TONSL: variants seen among roughly 807,000 people sequenced by gnomAD.
The protein encoded by TONSL is tonsoku-like protein.
Under a neutral mutation model 147.1 loss-of-function variants are expected in TONSL, and 112 were observed. The ratio of observed to expected loss-of-function variants is 0.76; its 90% CI spans 0.65 to 0.89. The LOEUF (loss-of-function observed/expected upper bound fraction) is 0.89. TONSL is among the 40% of genes least tolerant of loss of function. The pLI is 0.00. For missense variants in TONSL, 1,883 were observed against 1,864.6 expected, an observed-to-expected ratio of 1.01 and a Z score of -0.18; for synonymous variants, 868 against 801.5, an observed-to-expected ratio of 1.08 and a Z score of -1.40.
chr8:144,434,278 C>T lies in TONSL; in HGVS notation c.3087G>A (p.Gly1029=), dbSNP rs1823342624. The T allele has an allele frequency of 6.6e-7, 1 of 1,505,522 alleles. No homozygotes were observed. Among genetic ancestry groups the T allele is most frequent in the Non-Finnish European group, 8.9e-7 (1 of 1,127,156 alleles). The allele number at this position is 1,505,522 out of a possible 1,614,324, so 93.3% of individuals were successfully genotyped here. Reference sequence around the variant, plus strand: ...CGGCCTGCAGCACCTGTTGGTGCTCCCCTGCGGGAGGGATGTGATGTCACC... The same window carrying T: ...CGGCCTGCAGCACCTGTTGGTGCTCTCCTGCGGGAGGGATGTGATGTCACC... ...YRRACQSLGQ[G]EHQQVLQAVE... The change falls in exon 21 of 26, where the codon GGG becomes GGA. Residue 1029 remains glycine, a splice_region_variant and synonymous_variant. Coordinates refer to ENST00000409379, the MANE Select transcript of TONSL (RefSeq NM_013432.5).
chr8:144,433,307 A>C, intron 22 of TONSL: 1 of 326,034 alleles, frequency 3.1e-6, no homozygotes, highest in Non-Finnish European at 5.7e-6. Flanking sequence ...CGATATCCTG[A>C]CCTCGTGATC....
In TONSL at chr8:144,443,930, C is replaced by G; in HGVS notation, c.216G>C (p.Lys72Asn). The G allele has an allele frequency of 1.3e-6, 2 of 1,544,864 alleles. No homozygotes were observed. The highest frequency in any genetic ancestry group is 1.7e-6 in the Non-Finnish European group (2 of 1,146,682). The stretch of plus-strand genomic sequence containing the variant: ...CCATCTCGGCCAGGCGCTCTCCGAT[C>G]TTGCGGTGGGCCACGGCACAGCCCA... ...DPLGCAVAHR[K>N]IGERLAEMED... The change falls in exon 3 of 26, where the codon AAG becomes AAC. Residue 72 changes from lysine (K) to asparagine (N), a missense_variant. Coordinates refer to ENST00000409379, the MANE Select transcript of TONSL (RefSeq NM_013432.5).
intron 13 of TONSL, among the ~76,000 whole-genome samples, chr8:144,437,899 C>T (rs1478147866): frequency 6.6e-6 from 1 of 152,162 alleles, no homozygotes; most frequent in Non-Finnish European, 1.5e-5. Flanking sequence ...AGCCACTGTA[C>T]CCGGCCTGTG....
chr8:144,444,359 C>T, intron 1 of TONSL, 31 bp downstream of exon 1: 1 of 1,284,190 alleles, frequency 7.8e-7, no homozygotes, highest in Non-Finnish European at 9.9e-7. Context: ...GCCTCCGCGC[C>T]CCCGGAGGAA....
chr8:144,429,472 G>C, intron 25 of TONSL, 136 bp from the exon 26 acceptor site: 1 of 759,198 alleles, frequency 1.3e-6, no homozygotes, highest in African/African-American at 1.8e-5. Context: ...GCAGAGCTCC[G>C]GAGAGGCCCC....
At chr8:144,430,967 G>C in intron 24 of TONSL, 111 bp downstream of exon 24, 1 of 1,264,970 alleles carries the variant, frequency 7.9e-7, no homozygotes, top group Admixed American at 1.8e-5. Context: ...CCAGGTCTTG[G>C]GATGTGCTGG....
rs868274083 is a variant in TONSL at position 144,443,047 on chromosome 8, C to T, written c.448+91G>A. On this transcript the variant is annotated intron_variant, in intron 4 of 25. Coordinates refer to ENST00000409379, the MANE Select transcript of TONSL (RefSeq NM_013432.5). ...CTTGCAAAGGGAGGGCTCCAGAAGA[C>T]GGGATTGCCCAAGGAGGCTGCGGGG... 49 of 1,427,374 alleles carry T rather than the reference C, an allele frequency of 3.4e-5. No homozygotes were observed. In the Middle Eastern group the frequency reaches 2.5e-3, roughly 73 times the overall value. The allele number at this position is 1,427,374 out of a possible 1,614,324, so 88.4% of individuals were successfully genotyped here.
Position 144,442,672 on chromosome 8 carries a change from C to A in TONSL, c.578+5G>T. The A allele has an allele frequency of 1.2e-6, 2 of 1,612,040 alleles. No homozygotes were observed. Among genetic ancestry groups the A allele is most frequent in the Non-Finnish European group, 1.7e-6 (2 of 1,179,520 alleles). On this transcript the variant is annotated splice_donor_5th_base_variant and intron_variant, in intron 5 of 25. Transcript: ENST00000409379. ...ACTCCCTCCTGGGGCGGGGCAGGGC[C>A]TTACTCCGCAAGGAAGATGCTCTTC...
chr8:144,436,894 C>T lies in TONSL; in HGVS notation c.1753G>A (p.Gly585Arg), dbSNP rs747672856. The T allele has an allele frequency of 6.8e-6, 11 of 1,608,592 alleles. No homozygotes were observed. Among genetic ancestry groups the T allele is most frequent in the Admixed American group, 6.7e-5 (4 of 59,970 alleles). The part of the protein sequence containing the change: ...LEIVRFLLDH[G>R]AAVDDPGGQG... ...CCACCTGGGTCGTCCACTGCGGCCCCGTGGTCCAGCAGGAAGCGGACAATT... is the reference window on the plus strand; with the variant it reads ...CCACCTGGGTCGTCCACTGCGGCCCTGTGGTCCAGCAGGAAGCGGACAATT... Residue 585 changes from glycine to arginine, a missense_variant, in exon 15 of 26, where the codon GGG becomes AGG. Physicochemically the swap from Gly to Arg is moderately radical, Grantham distance 125 (BLOSUM62 -2). Coordinates refer to ENST00000409379, the MANE Select transcript of TONSL (RefSeq NM_013432.5).
chr8:144,431,069 G>C lies in TONSL; in HGVS notation c.3809+9C>G, dbSNP rs373594610. On this transcript the variant is annotated intron_variant, in intron 24 of 25. Coordinates refer to ENST00000409379, the MANE Select transcript of TONSL (RefSeq NM_013432.5). ...CCCAGGTCAGCAGGCAGCAGGGAAAGGGCGTTACCTGCACAGGTCTCTAAC... is the reference window on the plus strand; with the variant it reads ...CCCAGGTCAGCAGGCAGCAGGGAAACGGCGTTACCTGCACAGGTCTCTAAC... 926 of 1,614,046 alleles carry C rather than the reference G, an allele frequency of 5.7e-4. 1 individual carries two copies. Among genetic ancestry groups the C allele is most frequent in the Middle Eastern group, 1.3e-3 (8 of 6,058 alleles).
intron 20 of TONSL, 119 bp downstream of exon 20, chr8:144,434,692 G>C: frequency 9.0e-7 from 1 of 1,108,540 alleles, no homozygotes. Context: ...CACCCACCAG[G>C]CTGGGGGAGG....
intron 7 of TONSL, chr8:144,441,373 A>G: frequency 2.2e-6 from 1 of 455,800 alleles, no homozygotes; most frequent in South Asian, 2.8e-5. Context: ...CGGGCAGATC[A>G]TGAGGTCAGG....
At chr8:144,433,303 C>T in intron 22 of TONSL, 1 of 320,622 alleles carries the variant, frequency 3.1e-6, no homozygotes. Flanking sequence ...GTCTCGATAT[C>T]CTGACCTCGT....
Position 144,429,170 on chromosome 8 carries a change from G to C in TONSL, c.4110C>G (p.Gly1370=). The stretch of plus-strand genomic sequence containing the variant: ...AGAGGCGCCGAAAGAAGAGCTTGGA[G>C]CCGTGGTCCAGCGTGCACTCGCCGG... ...PGPGECTLDH[G]SKLFFRRL is the part of the protein sequence containing the mutation. The change falls in exon 26 of 26, where the codon GGC becomes GGG. Residue 1370 remains glycine (G), a synonymous_variant. Transcript: ENST00000409379. The C allele has an allele frequency of 6.5e-7, 1 of 1,533,318 alleles. No individual in the cohort carries two copies. The highest frequency in any genetic ancestry group is 8.7e-7 in the Non-Finnish European group (1 of 1,144,720). The allele number at this position is 1,533,318 out of a possible 1,614,324, so 95.0% of individuals were successfully genotyped here. A position where few individuals can be genotyped will look rare whatever the true frequency, so the allele number is the denominator to read the frequency against.
rs375305451 is a variant in TONSL at position 144,442,098 on chromosome 8, G to A, written c.804C>T (p.Ala268=). The change falls in exon 7 of 26, where the codon GCC becomes GCT. Residue 268 remains alanine, a synonymous_variant. Coordinates refer to ENST00000409379, the MANE Select transcript of TONSL (RefSeq NM_013432.5). The stretch of plus-strand genomic sequence containing the variant: ...CAGGCTTCTGGGAGCCCAGCCTGTA[G>A]GCCTTCTTCAGGGCTCGCTTGGCAG... ...FLAAKRALKK[A]YRLGSQKPVQ... 3 of 1,612,730 alleles carry A rather than the reference G, an allele frequency of 1.9e-6. No individual in the cohort carries two copies. The highest frequency in any genetic ancestry group is 1.3e-5 in the African/African-American group (1 of 74,942).
Position 144,443,313 on chromosome 8 carries a change from G to GTGC in TONSL, c.270_272dup (p.Gln90dup). 6.5e-7 allele frequency: 1 copy of GTGC among 1,549,290 alleles called. No homozygotes were observed. Among genetic ancestry groups the GTGC allele is most frequent in the Non-Finnish European group, 8.7e-7 (1 of 1,146,000 alleles). On this transcript the variant is annotated inframe_insertion, in exon 4 of 26. Coordinates refer to ENST00000409379, the MANE Select transcript of TONSL (RefSeq NM_013432.5). ...GGGAATGTGCCAGCTCCAGGTACTG[G>GTGC]TGCTGGTGCTGAGTGTGGAAGGAAG...
rs751534235 is a variant in TONSL, at chr8:144,436,548, C to T, written c.2014+10G>A. On this transcript the variant is annotated intron_variant, in intron 16 of 25. Transcript: ENST00000409379. The stretch of plus-strand genomic sequence containing the variant: ...ACAGCAACCCCAGGGACAAGGGACG[C>T]CCTGCTTGCCTTGGCCCGAGGCAGC... 1.2e-6 allele frequency: 2 copies of T among 1,608,464 alleles called. No individual in the cohort carries two copies. Among genetic ancestry groups the T allele is most frequent in the Non-Finnish European group, 1.7e-6 (2 of 1,179,340 alleles).
chr8:144,433,785 A>G (rs1554879261), intron 21 of TONSL, 26 bp from the exon 22 acceptor site: 3 of 1,537,476 alleles, frequency 2.0e-6, no homozygotes, highest in Non-Finnish European at 2.6e-6. Context: ...GCTGGCAGTG[A>G]GCCCCCAGCA....
chr8:144,432,423 G>A lies in TONSL; in HGVS notation c.3597C>T (p.Asn1199=), dbSNP rs374357745. 4.2e-5 allele frequency: 67 copies of A among 1,581,782 alleles called. No individual in the cohort carries two copies. Among genetic ancestry groups the A allele is most frequent in the African/African-American group, 4.2e-4 (31 of 73,518 alleles). ...TGGCCAGGGCAGGGGCTCCCAGGGC[G>A]TTGTAGGACAGGGACAGGGTCTTCA... The part of the protein sequence containing the change: ...EHLKTLSLSY[N]ALGAPALART... The change falls in exon 23 of 26, where the codon AAC becomes AAT. Residue 1199 remains asparagine, a synonymous_variant. Coordinates refer to ENST00000409379, the MANE Select transcript of TONSL (RefSeq NM_013432.5).
Sources: gnomAD v4.1 joint callset for allele counts (sites outside exome capture counted in the v4.1 genomes callset) on GRCh38, gnomAD v4.1.1 for gene constraint, MANE v1.5 for transcripts, NCBI Gene and HGNC (gene_info 2026-07-23, HGNC 2026-07-21) for gene names.